ZNF160: variants seen among roughly 807,000 people sequenced by gnomAD.
The protein encoded by ZNF160 is KRAB zinc finger protein KR18.
In ZNF160, 9 loss-of-function variants were observed where a neutral mutation model predicts 13.1. The ratio of observed to expected loss-of-function variants is 0.69; its 90% CI spans 0.41 to 1.20. The LOEUF is 1.20. ZNF160 is among the 50% of genes most tolerant of loss of function. The pLI, the probability that ZNF160 is intolerant of heterozygous loss-of-function variation, is 0.01. For missense variants in ZNF160, 838 were observed against 988.0 expected (o/e 0.85, Z 2.04); for synonymous variants, 293 against 333.2 (o/e 0.88, Z 1.31).
intron 5 of ZNF160, among the ~76,000 whole-genome samples, chr19:53,070,790 C>T (rs2084141318): frequency 6.6e-6 from 1 of 152,154 alleles, no homozygotes; most frequent in South Asian, 2.1e-4. Context: ...TGTTGTGGCT[C>T]ATGCCTGTAA....
intron 1 of ZNF160, among the ~76,000 whole-genome samples, chr19:53,102,139 G>A (rs918429976): frequency 2.0e-5 from 3 of 151,552 alleles, no homozygotes; most frequent in Admixed American, 6.6e-5. Flanking sequence ...CCTTATATCT[G>A]TTCTACTCCA....
At chr19:53,085,271 C>A in intron 3 of ZNF160, 1 of 908,456 alleles carries the variant, frequency 1.1e-6, no homozygotes, top group Non-Finnish European at 1.3e-6. Flanking sequence ...ATATCACAAC[C>A]AAACATTCAC....
At chr19:53,084,583 C>T (rs2084759575) in intron 3 of ZNF160, among the ~76,000 whole-genome samples, 2 of 152,162 alleles carry the variant, frequency 1.3e-5, no homozygotes, top group Admixed American at 1.3e-4. Context: ...AACACAGCTC[C>T]TGAATTCCAG....
chr19:53,101,644 A>G (rs1028746069), intron 1 of ZNF160, among the ~76,000 whole-genome samples: 3 of 152,164 alleles, frequency 2.0e-5, no homozygotes, highest in African/African-American at 7.2e-5. Flanking sequence ...AGGTAAATAC[A>G]AGGCACCAGG....
rs1361215681 is a variant in ZNF160, at chr19:53,068,696, G to A, written c.1838C>T (p.Ala613Val). The change falls in exon 6 of 6, where the codon GCA becomes GTA. Residue 613 changes from alanine (A) to valine (V), a missense_variant. By Grantham distance (64) the Ala-to-Val change is moderately conservative. Transcript: ENST00000683776. ...SDRSSLTFHQ[A>V]IHTGEKPYKC... is the part of the protein sequence containing the mutation. ...GTAAGGTTTCTCTCCAGTATGTATT[G>A]CCTGATGAAAAGTTAGGCTTGAACG... 1.2e-6 allele frequency: 2 copies of A among 1,613,802 alleles called. No homozygotes were observed. Among genetic ancestry groups the A allele is most frequent in the Admixed American group, 1.7e-5 (1 of 59,972 alleles).
At chr19:53,078,788 G>A (rs976366437) in intron 3 of ZNF160, among the ~76,000 whole-genome samples, 2 of 128,428 alleles carry the variant, frequency 1.6e-5, no homozygotes, top group African/African-American at 6.5e-5. Context: ...TAAGGCAACT[G>A]GAGCAGCAAT....
Position 53,067,883 on chromosome 19 carries a change from T to C in ZNF160, c.*194A>G. The C allele has an allele frequency of 1.6e-6, 1 of 643,288 alleles. No homozygotes were observed. Among genetic ancestry groups the C allele is most frequent in the Non-Finnish European group, 2.5e-6 (1 of 406,740 alleles). The allele number at this position is 643,288 out of a possible 1,614,324, so 39.8% of individuals were successfully genotyped here. ...CATCAAAGATATAAATCTTGATGCC[T>C]AGTAACCTGCGAGGCCTGGATAGAC... On this transcript the variant is annotated 3_prime_UTR_variant, in exon 6 of 6. Transcript: ENST00000683776.
chr19:53,077,551 T>C (rs1216766566), intron 3 of ZNF160: 1 of 150,770 alleles, frequency 6.6e-6, no homozygotes, highest in Non-Finnish European at 1.5e-5. Context: ...ATGCCTGCAA[T>C]CCCAGCTACT....
intron 2 of ZNF160, among the ~76,000 whole-genome samples, chr19:53,087,500 T>C (rs561076568): frequency 3.3e-5 from 5 of 152,324 alleles, no homozygotes; most frequent in African/African-American, 9.6e-5. Context: ...TGTGCAAGAC[T>C]GCAGGGGTGA....
At position 53,068,958 on chromosome 19, in the gene ZNF160, T is replaced by C. The variant is rs2084061309; in HGVS notation, c.1576A>G (p.Thr526Ala). Residue 526 changes from threonine (T) to alanine (A), a missense_variant, in exon 6 of 6, where the codon ACC (threonine) becomes GCC (alanine). Physicochemically the swap from Thr to Ala is moderately conservative, Grantham distance 58. This residue lies in a region of ZNF160 where 400 missense variants were observed against 538.9 expected (regional missense o/e 0.74). Transcript: ENST00000683776. The part of the protein sequence containing the change: ...KAFSVRSSLT[T>A]HQAIHSGEKP... ...TCTCCAGAATGGATTGCCTGATGGG[T>C]AGTCAGACTTGAACGAACACTGAAG... The C allele has an allele frequency of 1.2e-6, 2 of 1,613,978 alleles. No individual in the cohort carries two copies. The highest frequency in any genetic ancestry group is 1.7e-5 in the Admixed American group (1 of 59,990).
At chr19:53,090,443 C>T (rs2084992404) in intron 2 of ZNF160, among the ~76,000 whole-genome samples, 1 of 152,228 alleles carries the variant, frequency 6.6e-6, no homozygotes, top group Non-Finnish European at 1.5e-5. Context: ...CTTCTCACTC[C>T]TTCTCAGTTT....
rs377545870 is a variant in ZNF160, at chr19:53,068,488, A to G, written c.2046T>C (p.Cys682=). ...GTGAGTTCTGAGTGAAGACCTTGCC[A>G]CATTGATTACATTTGTAAGGCTTCT... ...TGEKPYKCNQ[C]GKVFTQNSHL... The change falls in exon 6 of 6, where the codon TGT becomes TGC. Residue 682 remains cysteine (C), a synonymous_variant. Transcript: ENST00000683776. The G allele has an allele frequency of 3.1e-6, 5 of 1,613,802 alleles. No individual in the cohort carries two copies. In the African/African-American group the frequency reaches 6.7e-5, roughly 22 times the overall value.
chr19:53,069,151 G>C lies in ZNF160; in HGVS notation c.1383C>G (p.Ala461=), dbSNP rs1399908777. 2 of 1,614,038 alleles carry C rather than the reference G, an allele frequency of 1.2e-6. No homozygotes were observed. Among genetic ancestry groups the C allele is most frequent in the Admixed American group, 3.3e-5 (2 of 59,994 alleles). The change falls in exon 6 of 6, where the codon GCC becomes GCG. Residue 461 remains alanine, a synonymous_variant. Coordinates refer to ENST00000683776, the MANE Select transcript of ZNF160 (RefSeq NM_001322131.2). The surrounding 1 kb of genome is among the most constrained non-coding windows in gnomAD (Gnocchi z 4.4). Reference sequence around the variant, plus strand: ...TAGCTAGGTTTGAATGCATACTGAAGGCTTTGCCACATTCATTACACTTGT... The same window carrying C: ...TAGCTAGGTTTGAATGCATACTGAACGCTTTGCCACATTCATTACACTTGT... The part of the protein sequence containing the change: ...KPYKCNECGK[A]FSMHSNLATH...
chr19:53,092,279 A>G (rs1051907515), intron 1 of ZNF160, among the ~76,000 whole-genome samples: 21 of 152,168 alleles, frequency 1.4e-4, no homozygotes, highest in African/African-American at 5.1e-4. Context: ...AAGGGTAATT[A>G]ATTTTGCAAG....
Position 53,069,970 on chromosome 19 carries a change from A to G in ZNF160, c.564T>C (p.His188=). The change falls in exon 6 of 6, where the codon CAT becomes CAC. Residue 188 remains histidine (H), a synonymous_variant. Transcript: ENST00000683776. The surrounding 1 kb of genome is among the most constrained non-coding windows in gnomAD (Gnocchi z 4.4). The stretch of plus-strand genomic sequence containing the variant: ...CTTGAAATAGCTGCAGTTCAGGCAG[A>G]TGAGAATGAAAGCTTACTCCAAGCT... The part of the protein sequence containing the change: ...NNQLGVSFHS[H]LPELQLFQGE... The G allele has an allele frequency of 1.2e-6, 2 of 1,614,182 alleles. No homozygotes were observed. Among genetic ancestry groups the G allele is most frequent in the South Asian group, 2.2e-5 (2 of 91,076 alleles).
At chr19:53,096,150 C>CA (rs779106096) in intron 1 of ZNF160, among the ~76,000 whole-genome samples, 3 of 152,204 alleles carry the variant, frequency 2.0e-5, no homozygotes, top group Non-Finnish European at 4.4e-5. Flanking sequence ...ACTCAGGAGA[C>CA]AGAGGTTGCA....
rs74897323 is a variant in ZNF160, at chr19:53,069,983, C to T, written c.551G>A (p.Ser184Asn). 9.3e-3 allele frequency: 15,041 copies of T among 1,614,118 alleles called. 110 individuals carry two copies. Among genetic ancestry groups the T allele is most frequent in the Non-Finnish European group, 0.011 (13,259 of 1,180,032 alleles). The stretch of plus-strand genomic sequence containing the variant: ...CAGTTCAGGCAGATGAGAATGAAAG[C>T]TTACTCCAAGCTGATTGTTCATAAG... ...NKLMNNQLGV[S>N]FHSHLPELQL... Residue 184 changes from serine to asparagine, a missense_variant, in exon 6 of 6, where the codon AGC (serine) becomes AAC (asparagine). Ser to Asn is a conservative substitution (Grantham distance 46). Around this residue, in one of 3 missense-constraint regions of ZNF160, gnomAD observed 387 missense variants for 402.3 expected, o/e 0.96. Transcript: ENST00000683776. This position sits in a 1 kb window ranked among gnomAD's most constrained non-coding sequence, Gnocchi z 4.4.
intron 3 of ZNF160, among the ~76,000 whole-genome samples, chr19:53,083,890 T>C (rs1464127117): frequency 6.6e-6 from 1 of 152,162 alleles, no homozygotes; most frequent in Non-Finnish European, 1.5e-5. Flanking sequence ...CTCATTTTTC[T>C]AAGAAAAAGG....
At chr19:53,086,460 C>A (rs556975969) in intron 2 of ZNF160, 139 bp from the exon 3 acceptor site, 6 of 608,298 alleles carry the variant, frequency 9.9e-6, no homozygotes, top group African/African-American at 1.9e-5. Flanking sequence ...TGGTCCTCTG[C>A]GCCCCACTGC....
Sources: gnomAD v4.1 joint callset for allele counts (sites outside exome capture counted in the v4.1 genomes callset) on GRCh38, gnomAD v4.1.1 for gene constraint, gnomAD v4.1.1 regional missense constraint, Gnocchi (gnomAD v3.1) non-coding constraint, MANE v1.5 for transcripts, NCBI Gene and HGNC (gene_info 2026-07-23, HGNC 2026-07-21) for gene names.